ARHGAP26: variants seen among roughly 807,000 people sequenced by gnomAD.
The protein encoded by ARHGAP26 is rho GTPase-activating protein 26.
In ARHGAP26, 38 loss-of-function variants were observed where a neutral mutation model predicts 104.8. That is an observed-to-expected ratio of 0.36 (90% CI 0.28 to 0.48). ARHGAP26 has a LOEUF of 0.48. Ranked by LOEUF, ARHGAP26 falls within the 20% of genes least tolerant of loss-of-function variation. The pLI, the probability that ARHGAP26 is intolerant of heterozygous loss-of-function variation, is 0.99. For missense variants in ARHGAP26, 704 were observed against 947.9 expected (o/e 0.74, Z 3.38); for synonymous variants, 341 against 340.0 (o/e 1.00, Z -0.03).
At position 143,166,110 on chromosome 5, in the gene ARHGAP26, G is replaced by A. The variant is rs567151238; in HGVS notation, c.1988+18729G>A. The A allele has an allele frequency of 2.7e-5, 35 of 1,302,668 alleles. No individual in the cohort carries two copies. The African/African-American group carries it at 4.9e-4, about 18-fold the overall frequency. 80.7% of individuals were successfully genotyped at this position (1,302,668 alleles called of 1,614,324 possible). ...TGATGGGCACAAGGTGAGAAGGGAG[G>A]CTGCCCTCTGGGTTCCAGTCATATC... On this transcript the variant is annotated intron_variant, in intron 20 of 22. Transcript: ENST00000645722.
chr5:143,205,875 C>G (rs534801579), intron 20 of ARHGAP26, among the ~76,000 whole-genome samples: 10 of 152,248 alleles, frequency 6.6e-5, no homozygotes, highest in African/African-American at 2.4e-4. Context: ...ATTTTAGACA[C>G]TGGATATACA....
chr5:142,955,611 T>C (rs1769117816), intron 11 of ARHGAP26, among the ~76,000 whole-genome samples: 1 of 152,184 alleles, frequency 6.6e-6, no homozygotes, highest in Non-Finnish European at 1.5e-5. Flanking sequence ...GCCTCAATCA[T>C]TGTAGAAGAG....
Position 143,109,614 on chromosome 5 carries a change from A to G in ARHGAP26, c.1539-11374A>G, listed in dbSNP as rs904053350. The stretch of plus-strand genomic sequence containing the variant: ...GGACTACAGGCACACCACATTTTGT[A>G]TTTTTAGTAGAGATGGGGTTTTGCC... On this transcript the variant is annotated intron_variant, in intron 17 of 22. Transcript: ENST00000645722. Among the ~76,000 whole-genome samples the G allele has an allele frequency of 3.3e-5, 5 of 151,950 alleles. No individual in the cohort carries two copies. The East Asian group carries it at 7.8e-4, about 24-fold the overall frequency.
At position 142,780,792 on chromosome 5, in the gene ARHGAP26, C is replaced by T. The variant is rs182462968; in HGVS notation, c.154+9877C>T. 2.8e-3 allele frequency among the ~76,000 whole-genome samples: 423 copies of T among 152,234 alleles called. 3 individuals carry two copies. Among genetic ancestry groups the T allele is most frequent in the Non-Finnish European group, 3.8e-3 (258 of 68,008 alleles). The stretch of plus-strand genomic sequence containing the variant: ...TCTTCTGCCTTCTGTGACCGGAGAC[C>T]GTGACTCTGGTCTAGGGGACACGTT... On this transcript the variant is annotated intron_variant, in intron 1 of 22. Coordinates refer to ENST00000645722, the MANE Select transcript of ARHGAP26 (RefSeq NM_001135608.3).
intron 17 of ARHGAP26, among the ~76,000 whole-genome samples, chr5:143,076,540 AGTTT>A (rs1173349063): frequency 2.0e-5 from 3 of 152,262 alleles, no homozygotes; most frequent in Admixed American, 2.0e-4. Flanking sequence ...AACATTTGTC[AGTTT>A]GTTCCTTATC....
intron 10 of ARHGAP26, chr5:142,915,719 GT>G (rs1392286898): frequency 2.0e-5 from 3 of 152,222 alleles, no homozygotes; most frequent in South Asian, 2.1e-4. Context: ...CCTCCTCTCA[GT>G]TTTCTATATA....
chr5:143,068,372 T>C (rs1787809125), intron 17 of ARHGAP26, among the ~76,000 whole-genome samples: 1 of 151,946 alleles, frequency 6.6e-6, no homozygotes, highest in African/African-American at 2.4e-5. Context: ...ACAGAGAAAA[T>C]AGATACAATC....
chr5:143,195,196 A>G (rs1323294740), intron 20 of ARHGAP26, among the ~76,000 whole-genome samples: 1 of 152,198 alleles, frequency 6.6e-6, no homozygotes, highest in African/African-American at 2.4e-5. Flanking sequence ...GTGCATTTGC[A>G]AGAGTTTAAC....
chr5:142,836,470 C>T (rs548052336), intron 1 of ARHGAP26, among the ~76,000 whole-genome samples: 1 of 152,150 alleles, frequency 6.6e-6, no homozygotes, highest in East Asian at 1.9e-4. Flanking sequence ...CTAATTAGAC[C>T]ACCTCTTCTC....
intron 10 of ARHGAP26, among the ~76,000 whole-genome samples, chr5:142,926,602 G>C (rs887617952): frequency 1.3e-5 from 2 of 152,074 alleles, no homozygotes; most frequent in Admixed American, 6.5e-5. Context: ...ACTTTGTTGC[G>C]TTACTCAGGA....
chr5:143,012,552 C>CACATATATATATATAT (rs1778940698), intron 11 of ARHGAP26, among the ~76,000 whole-genome samples: 3 of 20,832 alleles, frequency 1.4e-4, no homozygotes, highest in East Asian at 1.3e-3. Context: ...TACATACATA[C>CACATATATATATATAT]ATATATATAT....
intron 20 of ARHGAP26, chr5:143,202,609 G>C (rs913333574): frequency 6.6e-6 from 1 of 152,094 alleles, no homozygotes; most frequent in South Asian, 2.1e-4. Context: ...AAAAGAGCCC[G>C]TATAGCCAAG....
intron 11 of ARHGAP26, among the ~76,000 whole-genome samples, chr5:142,973,781 T>C (rs1470895667): frequency 6.6e-6 from 1 of 152,222 alleles, no homozygotes; most frequent in Non-Finnish European, 1.5e-5. Context: ...TAGTTATTTA[T>C]TTCATAGATG....
chr5:143,113,334 T>G (rs1457938306), intron 17 of ARHGAP26, among the ~76,000 whole-genome samples: 2 of 152,230 alleles, frequency 1.3e-5, no homozygotes, highest in African/African-American at 4.8e-5. Context: ...CTCAGCAGCC[T>G]TCTTTACCCA....
At chr5:142,966,688 C>G (rs779586981) in intron 11 of ARHGAP26, among the ~76,000 whole-genome samples, 8 of 152,164 alleles carry the variant, frequency 5.3e-5, no homozygotes, top group Non-Finnish European at 1.2e-4. Context: ...GATAAAGATT[C>G]TATACAGGAA....
intron 1 of ARHGAP26, among the ~76,000 whole-genome samples, chr5:142,863,566 A>G (rs974890116): frequency 1.3e-5 from 2 of 152,180 alleles, no homozygotes; most frequent in African/African-American, 4.8e-5. Context: ...GAATTTATTC[A>G]TTCATTCCTC....
At chr5:142,877,745 G>A (rs1756337474) in intron 3 of ARHGAP26, among the ~76,000 whole-genome samples, 1 of 152,176 alleles carries the variant, frequency 6.6e-6, no homozygotes, top group Non-Finnish European at 1.5e-5. Context: ...AAATACTGAT[G>A]TCTGGGACTA....
chr5:142,926,513 AT>A (rs1471256584), intron 10 of ARHGAP26, among the ~76,000 whole-genome samples: 1 of 152,152 alleles, frequency 6.6e-6, no homozygotes, highest in East Asian at 1.9e-4. Flanking sequence ...TCCTTGGCAG[AT>A]TTTTTAGAAT....
chr5:142,925,000 AG>A (rs1439325167), intron 10 of ARHGAP26, among the ~76,000 whole-genome samples: 1 of 152,372 alleles, frequency 6.6e-6, no homozygotes, highest in Non-Finnish European at 1.5e-5. Context: ...ATAGATTCAG[AG>A]GAAGACACAG....
Sources: gnomAD v4.1 joint callset for allele counts (sites outside exome capture counted in the v4.1 genomes callset) on GRCh38, gnomAD v4.1.1 for gene constraint, MANE v1.5 for transcripts, NCBI Gene and HGNC (gene_info 2026-07-23, HGNC 2026-07-21) for gene names.